The following CDKL3 variants were observed in gnomAD, a reference collection of about 807,000 sequenced individuals.
The protein encoded by CDKL3 is cyclin dependent kinase like 3, also known as cyclin-dependent kinase-like 3.
A neutral mutation model predicts 69.3 loss-of-function variants in CDKL3; 65 were observed. That is an observed-to-expected ratio of 0.94 (90% CI 0.77 to 1.15). The LOEUF (loss-of-function observed/expected upper bound fraction) is 1.15, where lower values mean the gene tolerates loss of function less well. Ranked by LOEUF, CDKL3 falls within the 50% of genes most tolerant of loss-of-function variation. The pLI is 0.00. For synonymous variants in CDKL3, 202 were observed against 221.6 expected, an observed-to-expected ratio of 0.91 and a Z score of 0.79; for missense variants, 652 against 689.2, an observed-to-expected ratio of 0.95 and a Z score of 0.61.
chr5:134,353,804 C>T (rs1432248652), intron 3 of CDKL3, among the ~76,000 whole-genome samples: 1 of 152,044 alleles, frequency 6.6e-6, no homozygotes, highest in East Asian at 1.9e-4. Context: ...GTGATCCGCC[C>T]GCCTCGGCCT....
chr5:134,324,161 A>C (rs2149495055), intron 4 of CDKL3, among the ~76,000 whole-genome samples: 2 of 152,372 alleles, frequency 1.3e-5, no homozygotes, highest in East Asian at 3.9e-4. Context: ...CACACCTATT[A>C]GAATGCCTAA....
At chr5:134,321,668 C>T in intron 5 of CDKL3, 123 bp downstream of exon 5, 1 of 581,892 alleles carries the variant, frequency 1.7e-6, no homozygotes, top group South Asian at 2.5e-5. Context: ...CATCTGCTGC[C>T]ATCTATCAAA....
intron 3 of CDKL3, among the ~76,000 whole-genome samples, chr5:134,354,087 T>C (rs1055895795): frequency 6.6e-6 from 1 of 152,200 alleles, no homozygotes; most frequent in African/African-American, 2.4e-5. Flanking sequence ...TCCTCAGGAC[T>C]CAGCTTATAT....
intron 4 of CDKL3, among the ~76,000 whole-genome samples, chr5:134,338,416 G>T (rs1055497685): frequency 4.6e-5 from 7 of 152,138 alleles, no homozygotes. Flanking sequence ...AAGGCCAGGT[G>T]TGGTGGCTCA....
intron 4 of CDKL3, among the ~76,000 whole-genome samples, chr5:134,330,517 C>A (rs1465587427): frequency 6.6e-6 from 1 of 152,078 alleles, no homozygotes; most frequent in Non-Finnish European, 1.5e-5. Context: ...GAGTTTGAGA[C>A]CAGCCTGGAC....
intron 10 of CDKL3, among the ~76,000 whole-genome samples, chr5:134,305,055 G>A (rs1373847220): frequency 6.6e-6 from 1 of 151,522 alleles, no homozygotes; most frequent in African/African-American, 2.4e-5. Context: ...TGACCCTTCT[G>A]CCTTGGGCTC....
At chr5:134,305,950 T>G (rs1169463275) in intron 10 of CDKL3, among the ~76,000 whole-genome samples, 1 of 152,218 alleles carries the variant, frequency 6.6e-6, no homozygotes, top group South Asian at 2.1e-4. Context: ...ATTTGGCAAT[T>G]GTTTTTAATC....
intron 3 of CDKL3, among the ~76,000 whole-genome samples, chr5:134,355,066 G>A (rs1754242169): frequency 6.6e-6 from 1 of 150,640 alleles, no homozygotes; most frequent in South Asian, 2.1e-4. Context: ...ACAAGCCTGG[G>A]CAACATGGTG....
intron 4 of CDKL3, among the ~76,000 whole-genome samples, chr5:134,323,276 G>GTA (rs1561553641): frequency 1.3e-5 from 2 of 151,990 alleles, no homozygotes; most frequent in African/African-American, 4.8e-5. Flanking sequence ...ATTTCACAAC[G>GTA]TATATATATA....
At chr5:134,286,237 C>A (rs1292986249), downstream of CDKL3, 1 of 152,408 alleles carries the variant, frequency 6.6e-6, no homozygotes, top group African/African-American at 2.4e-5. Context: ...CTGCCAATCT[C>A]TTTGCTAAAA....
chr5:134,345,346 A>C (rs1751596149), intron 4 of CDKL3, among the ~76,000 whole-genome samples: 1 of 152,238 alleles, frequency 6.6e-6, no homozygotes, highest in South Asian at 2.1e-4. Flanking sequence ...TGGGGCAACA[A>C]CATGTGAAAA....
chr5:134,333,954 T>A (rs1435937230), intron 4 of CDKL3, among the ~76,000 whole-genome samples: 2 of 152,160 alleles, frequency 1.3e-5, no homozygotes, highest in Non-Finnish European at 1.5e-5. Context: ...CTTTTTTTGG[T>A]TGGTAGGCTA....
At chr5:134,365,756 C>T (rs1345338014) in intron 2 of CDKL3, among the ~76,000 whole-genome samples, 2 of 152,196 alleles carry the variant, frequency 1.3e-5, no homozygotes, top group East Asian at 1.9e-4. Flanking sequence ...TCTACAGGCA[C>T]ATGTCTTTGC....
At chr5:134,298,411 C>A (rs1765510527), downstream of CDKL3, 1 of 1,286,096 alleles carries the variant, frequency 7.8e-7, no homozygotes, top group East Asian at 3.3e-5. Context: ...GTAATCATGG[C>A]AAAAAAAAGA....
chr5:134,359,712 G>A (rs973020949), intron 3 of CDKL3, among the ~76,000 whole-genome samples, 185 bp downstream of exon 3: 6 of 152,102 alleles, frequency 3.9e-5, no homozygotes, highest in Admixed American at 2.0e-4. Flanking sequence ...ATTACTGAGT[G>A]CTCAATATTT....
chr5:134,332,095 C>A (rs1775941043), intron 4 of CDKL3, among the ~76,000 whole-genome samples: 2 of 152,158 alleles, frequency 1.3e-5, no homozygotes, highest in African/African-American at 2.4e-5. Context: ...TAAATGTATT[C>A]TTTTGAGAAG....
rs755549666 is a variant in CDKL3 at position 134,308,339 on chromosome 5, T to C, written c.1163A>G (p.Asn388Ser). 30 of 1,613,860 alleles carry C rather than the reference T, an allele frequency of 1.9e-5. No individual in the cohort carries two copies. Among genetic ancestry groups the C allele is most frequent in the Non-Finnish European group, 2.5e-5 (29 of 1,179,868 alleles). Reference protein sequence around the residue: ...YEGGLGQQDANENVHPMSPDT... With the variant: ...YEGGLGQQDASENVHPMSPDT... ...TGGAGACATAGGATGAACATTTTCA[T>C]TTGCATCCTGTTGACCAAGTCCACC... Residue 388 changes from asparagine to serine, a missense_variant, in exon 9 of 13, where the codon AAT becomes AGT. Physicochemically the swap from Asn to Ser is conservative, Grantham distance 46. Coordinates refer to ENST00000265334, the MANE Select transcript of CDKL3 (RefSeq NM_001113575.2).
At chr5:134,291,476 G>A (rs544864039) in intron 8 of CDKL3, among the ~76,000 whole-genome samples, 3 of 152,210 alleles carry the variant, frequency 2.0e-5, no homozygotes, top group South Asian at 2.1e-4. Flanking sequence ...CTATTATTAA[G>A]AGAAACTAAC....
intron 12 of CDKL3, 85 bp from the exon 13 acceptor site, chr5:134,298,795 T>C: frequency 6.6e-7 from 1 of 1,522,718 alleles, no homozygotes; most frequent in South Asian, 1.2e-5. Context: ...TAATGCTAAA[T>C]TACATGTAAA....
Sources: allele counts gnomAD v4.1 joint callset (sites outside exome capture counted in the v4.1 genomes callset), GRCh38; gene constraint gnomAD v4.1.1; transcripts MANE v1.5; gene names NCBI Gene and HGNC (gene_info 2026-07-23, HGNC 2026-07-21).